Variants in PDSS2 observed in about 807,000 individuals in gnomAD.
PDSS2 encodes all trans-polyprenyl-diphosphate synthase PDSS2.
PDSS2 carries 31 observed loss-of-function variants against 44.5 expected under a neutral mutation model. The ratio of observed to expected loss-of-function variants is 0.70; its 90% confidence interval spans 0.52 to 0.94. The LOEUF (loss-of-function observed/expected upper bound fraction) is 0.94. PDSS2 is among the 40% of genes least tolerant of loss of function. The pLI is 0.00. For missense variants in PDSS2, 452 were observed against 482.2 expected, an observed-to-expected ratio of 0.94 and a Z score of 0.59; for synonymous variants, 157 against 180.3, an observed-to-expected ratio of 0.87 and a Z score of 1.03.
chr6:107,403,081 G>A (rs1476081725), intron 1 of PDSS2, among the ~76,000 whole-genome samples: 1 of 152,126 alleles, frequency 6.6e-6, no homozygotes, highest in Non-Finnish European at 1.5e-5. Context: ...CTTCCGCCTA[G>A]GAGCCTATAA....
intron 1 of PDSS2, among the ~76,000 whole-genome samples, chr6:107,355,214 C>T (rs928292421): frequency 1.3e-5 from 2 of 152,142 alleles, no homozygotes; most frequent in Admixed American, 6.5e-5. Flanking sequence ...CCATCACGCC[C>T]GGCCCTTTCT....
At chr6:107,419,829 C>T (rs1418983750) in intron 1 of PDSS2, among the ~76,000 whole-genome samples, 2 of 152,200 alleles carry the variant, frequency 1.3e-5, no homozygotes, top group Non-Finnish European at 2.9e-5. Context: ...CATATTCTTT[C>T]AGCAGCAAAA....
intron 6 of PDSS2, among the ~76,000 whole-genome samples, chr6:107,195,719 C>T (rs1051138886): frequency 8.0e-6 from 1 of 125,078 alleles, no homozygotes; most frequent in Non-Finnish European, 1.7e-5. Flanking sequence ...ACCACCACGC[C>T]CGGCTAATTT....
chr6:107,334,095 T>C, intron 2 of PDSS2, 103 bp downstream of exon 2: 1 of 1,077,156 alleles, frequency 9.3e-7, no homozygotes, highest in South Asian at 1.3e-5. Context: ...TTAATCTATC[T>C]TTGAATCAGA....
chr6:107,434,013 T>C (rs753873491), intron 1 of PDSS2, among the ~76,000 whole-genome samples: 7 of 152,142 alleles, frequency 4.6e-5, no homozygotes, highest in African/African-American at 7.2e-5. Flanking sequence ...CTCAACATCA[T>C]TGATCATCAG....
At chr6:107,162,312 T>C (rs1014302619) in intron 7 of PDSS2, among the ~76,000 whole-genome samples, 1 of 151,806 alleles carries the variant, frequency 6.6e-6, no homozygotes, top group African/African-American at 2.4e-5. Context: ...CTGGCCAACA[T>C]GGTGTAACCC....
intron 2 of PDSS2, among the ~76,000 whole-genome samples, chr6:107,319,749 C>CGT (rs1777324693): frequency 6.6e-6 from 1 of 152,102 alleles, no homozygotes; most frequent in Non-Finnish European, 1.5e-5. Flanking sequence ...CCGTTGCAGA[C>CGT]GTGTCAGTAA....
At chr6:107,338,772 T>C (rs1777987573) in intron 1 of PDSS2, among the ~76,000 whole-genome samples, 1 of 152,114 alleles carries the variant, frequency 6.6e-6, no homozygotes, top group African/African-American at 2.4e-5. Context: ...AGAGCCAGTG[T>C]GGCAGGAACA....
At chr6:107,377,256 G>C (rs942674098) in intron 1 of PDSS2, among the ~76,000 whole-genome samples, 6 of 152,072 alleles carry the variant, frequency 3.9e-5, no homozygotes, top group African/African-American at 7.2e-5. Flanking sequence ...CTCAAAAGAA[G>C]ACATTTATGC....
At chr6:107,271,080 A>C (rs145350646) in intron 3 of PDSS2, among the ~76,000 whole-genome samples, 1 of 152,358 alleles carries the variant, frequency 6.6e-6, no homozygotes, top group East Asian at 1.9e-4. Context: ...AGTCGTATGC[A>C]TATATACCTT....
intron 1 of PDSS2, among the ~76,000 whole-genome samples, chr6:107,342,081 A>G (rs1224081616): frequency 6.6e-6 from 1 of 151,980 alleles, no homozygotes; most frequent in Non-Finnish European, 1.5e-5. Flanking sequence ...TTGGTATTTA[A>G]TTATTTGTTC....
chr6:107,303,478 A>C (rs977005365), intron 2 of PDSS2, among the ~76,000 whole-genome samples: 2 of 152,194 alleles, frequency 1.3e-5, no homozygotes, highest in African/African-American at 2.4e-5. Context: ...GATTTTTGCT[A>C]TATGTTTTTA....
chr6:107,301,644 C>T (rs758442843), intron 2 of PDSS2, among the ~76,000 whole-genome samples: 1 of 151,912 alleles, frequency 6.6e-6, no homozygotes, highest in Non-Finnish European at 1.5e-5. Flanking sequence ...ATTCCAAACA[C>T]TTGAAAAGGT....
chr6:107,364,336 G>A (rs1026359205), intron 1 of PDSS2, among the ~76,000 whole-genome samples: 1 of 152,254 alleles, frequency 6.6e-6, no homozygotes, highest in African/African-American at 2.4e-5. Flanking sequence ...AGGAGCCCAT[G>A]GAGTGGGTGG....
In PDSS2 at chr6:107,383,247, C is replaced by T. The variant is rs556114768; in HGVS notation, c.297-48915G>A. On this transcript the variant is annotated intron_variant, in intron 1 of 7. Transcript: ENST00000369037. ...CCAGGAGGCGGAGGCTGCAGTGAGCCGAGATCATACCACTGTACTCCAGCC... is the reference window on the plus strand; with the variant it reads ...CCAGGAGGCGGAGGCTGCAGTGAGCTGAGATCATACCACTGTACTCCAGCC... 1.2e-4 allele frequency among the ~76,000 whole-genome samples: 16 copies of T among 134,858 alleles called. No individual in the cohort carries two copies. In the South Asian group the frequency reaches 3.7e-3, roughly 31 times the overall value. The allele number at this position is 134,858 out of a possible 152,430, so 88.5% of individuals were successfully genotyped here. A position where few individuals can be genotyped will look rare whatever the true frequency, so the allele number is the denominator to read the frequency against.
Position 107,210,437 on chromosome 6 carries a change from A to G in PDSS2, c.1008+2T>C. 6.2e-7 allele frequency: 1 copy of G among 1,604,262 alleles called. No homozygotes were observed. Among genetic ancestry groups the G allele is most frequent in the South Asian group, 1.1e-5 (1 of 90,890 alleles). ...CCTAAAACAGGAGTAATTTCATTTT[A>G]CCTCTCCGATCTGTTTAATCCACAA... is the stretch of plus-strand genomic sequence containing the variant. On this transcript the variant is annotated splice_donor_variant, in intron 6 of 7. Coordinates refer to ENST00000369037, the MANE Select transcript of PDSS2 (RefSeq NM_020381.4). LOFTEE classifies it high-confidence loss of function.
At chr6:107,230,686 A>AC (rs1184818538) in intron 4 of PDSS2, among the ~76,000 whole-genome samples, 1 of 151,728 alleles carries the variant, frequency 6.6e-6, no homozygotes, top group Non-Finnish European at 1.5e-5. Flanking sequence ...TGTTTTTCTC[A>AC]TAGTGATGAG....
intron 1 of PDSS2, among the ~76,000 whole-genome samples, chr6:107,384,382 T>A (rs922452916): frequency 6.6e-6 from 1 of 152,200 alleles, no homozygotes; most frequent in African/African-American, 2.4e-5. Flanking sequence ...GGCTCACGCC[T>A]GTAATCCCAG....
chr6:107,249,949 A>C (rs768147621), intron 3 of PDSS2, among the ~76,000 whole-genome samples: 8 of 152,190 alleles, frequency 5.3e-5, no homozygotes, highest in Non-Finnish European at 1.2e-4. Context: ...GAATTTCTTA[A>C]ATGGTTAATT....
Sources: gnomAD v4.1 joint callset for allele counts (sites outside exome capture counted in the v4.1 genomes callset) on GRCh38, gnomAD v4.1.1 for gene constraint, MANE v1.5 for transcripts, NCBI Gene and HGNC (gene_info 2026-07-23, HGNC 2026-07-21) for gene names.